Variants in PEX5L observed in about 807,000 individuals in gnomAD.
PEX5L encodes PEX5-related protein.
PEX5L carries 30 observed loss-of-function variants against 84.0 expected under a neutral mutation model. The observed-to-expected ratio is 0.36, with a 90% confidence interval of 0.27 to 0.48. PEX5L has a LOEUF of 0.48. Ranked by LOEUF, PEX5L falls within the 20% of genes least tolerant of loss-of-function variation. The pLI is 0.99. For synonymous variants in PEX5L, 270 were observed against 283.1 expected (o/e 0.95, Z 0.46); for missense variants, 533 against 754.6 (o/e 0.71, Z 3.44).
intron 1 of PEX5L, among the ~76,000 whole-genome samples, chr3:180,024,749 G>C (rs1443688808): frequency 6.6e-6 from 1 of 151,938 alleles, no homozygotes; most frequent in African/African-American, 2.4e-5. Context: ...TCAGGGCTGG[G>C]GGTATAAGCA....
intron 5 of PEX5L, among the ~76,000 whole-genome samples, chr3:179,876,375 T>C (rs144365252): frequency 5.6e-4 from 85 of 151,990 alleles, no homozygotes; most frequent in African/African-American, 2.0e-3. Flanking sequence ...TGCATGCCTG[T>C]AATCCCAGCT....
chr3:179,815,946 C>G lies in PEX5L; in HGVS notation c.998G>C (p.Gly333Ala). 1 of 1,614,138 alleles carries G rather than the reference C, an allele frequency of 6.2e-7. No homozygotes were observed. The highest frequency in any genetic ancestry group is 8.5e-7 in the Non-Finnish European group (1 of 1,179,996). The change falls in exon 10 of 15, where the codon GGC becomes GCC. Residue 333 changes from glycine to alanine, a missense_variant. By Grantham distance (60) the Gly-to-Ala change is moderately conservative. Transcript: ENST00000467460. The stretch of plus-strand genomic sequence containing the variant: ...ATCCCCTTCCTTCAGCCTTTTTAAG[C>G]CTTCTTCAAATGCTCCAGGCCAGTC... ...FKDWPGAFEE[G>A]LKRLKEGDLP...
At chr3:180,023,928 T>C (rs1233467633) in intron 1 of PEX5L, among the ~76,000 whole-genome samples, 1 of 148,886 alleles carries the variant, frequency 6.7e-6, no homozygotes, top group African/African-American at 2.6e-5. Flanking sequence ...ATGCCTATGG[T>C]TGTGCAGATT....
intron 2 of PEX5L, among the ~76,000 whole-genome samples, chr3:179,945,776 A>G (rs6770479): frequency 0.2 from 30,786 of 152,142 alleles, 3,535 homozygotes; most frequent in African/African-American, 0.29. Flanking sequence ...TTTGCTGGAC[A>G]GCTCTGATAG....
chr3:179,859,887 GTTA>G (rs143427617), intron 7 of PEX5L, among the ~76,000 whole-genome samples: 1,592 of 152,162 alleles, frequency 0.01, 34 homozygotes, highest in African/African-American at 0.036. Flanking sequence ...TTTTTAAAAT[GTTA>G]TTAATTTTTA....
At chr3:179,873,143 A>G (rs1413682069) in intron 7 of PEX5L, among the ~76,000 whole-genome samples, 1 of 152,134 alleles carries the variant, frequency 6.6e-6, no homozygotes, top group Admixed American at 6.5e-5. Context: ...TCTGCCACTT[A>G]CTAGTTGTGG....
chr3:179,989,769 G>T (rs1259503506), intron 1 of PEX5L, among the ~76,000 whole-genome samples: 1 of 152,064 alleles, frequency 6.6e-6, no homozygotes, highest in South Asian at 2.1e-4. Context: ...CAAAAGAGTA[G>T]TCACCTAAAA....
At chr3:179,964,530 G>T (rs911208721) in intron 2 of PEX5L, among the ~76,000 whole-genome samples, 6 of 152,160 alleles carry the variant, frequency 3.9e-5, no homozygotes, top group African/African-American at 1.4e-4. Context: ...AATGCAAGAA[G>T]ATGCTTGCAA....
At chr3:179,946,372 A>G (rs1777548987) in intron 2 of PEX5L, among the ~76,000 whole-genome samples, 1 of 152,226 alleles carries the variant, frequency 6.6e-6, no homozygotes, top group Admixed American at 6.5e-5. Context: ...ATAGTGCAGG[A>G]CACAGGGCAG....
chr3:179,957,026 A>G (rs1441369459), intron 2 of PEX5L, among the ~76,000 whole-genome samples: 1 of 152,242 alleles, frequency 6.6e-6, no homozygotes, highest in Non-Finnish European at 1.5e-5. Context: ...CCTAAGGATC[A>G]CCTTGATTCA....
chr3:179,931,580 C>G (rs577469943), intron 2 of PEX5L, among the ~76,000 whole-genome samples: 1 of 152,004 alleles, frequency 6.6e-6, no homozygotes, highest in Admixed American at 6.6e-5. Context: ...TGACAAGATG[C>G]CTGAAGCCGT....
In PEX5L at chr3:179,819,868, T is replaced by C. The variant is rs772376904; in HGVS notation, c.931A>G (p.Ser311Gly). The C allele has an allele frequency of 4.3e-6, 7 of 1,613,946 alleles. No homozygotes were observed. The highest frequency in any genetic ancestry group is 2.7e-5 in the African/African-American group (2 of 75,046). The change falls in exon 9 of 15, where the codon AGT becomes GGT. Residue 311 changes from serine (S) to glycine (G), a missense_variant. Physicochemically the swap from Ser to Gly is moderately conservative, Grantham distance 56. Coordinates refer to ENST00000467460, the MANE Select transcript of PEX5L (RefSeq NM_016559.3). ...EAQNQVTISA[S>G]EKGYYFHTEN... ...GGAACAGAATTGGTTACCTTCTCAC[T>C]AGCCGAGATGGTTACTTGGTTCTGG...
chr3:179,965,268 A>G (rs1560956659), intron 2 of PEX5L, among the ~76,000 whole-genome samples: 1 of 152,244 alleles, frequency 6.6e-6, no homozygotes, highest in Admixed American at 6.5e-5. Flanking sequence ...CACGAGTTAC[A>G]GAGGAAAAAG....
chr3:179,807,210 C>A (rs900206846), intron 14 of PEX5L, among the ~76,000 whole-genome samples: 2 of 152,214 alleles, frequency 1.3e-5, no homozygotes, highest in Admixed American at 1.3e-4. Flanking sequence ...GTTTAGAAAA[C>A]CTGGACTCTT....
At chr3:179,847,789 C>G (rs1740163972) in intron 8 of PEX5L, among the ~76,000 whole-genome samples, 1 of 152,074 alleles carries the variant, frequency 6.6e-6, no homozygotes, top group Non-Finnish European at 1.5e-5. Flanking sequence ...GCAGCCTTGA[C>G]TTCCTGGGCT....
intron 1 of PEX5L, among the ~76,000 whole-genome samples, chr3:180,019,390 A>G (rs1790229899): frequency 6.6e-6 from 1 of 152,216 alleles, no homozygotes; most frequent in Admixed American, 6.5e-5. Context: ...TCACTGTCCC[A>G]AGGTATTAAA....
intron 2 of PEX5L, among the ~76,000 whole-genome samples, chr3:179,956,916 T>G (rs1780720943): frequency 6.6e-6 from 1 of 152,044 alleles, no homozygotes; most frequent in Non-Finnish European, 1.5e-5. Context: ...TTTTTTGCAA[T>G]CCCTTCTTTT....
chr3:179,868,570 GA>G (rs1749182899), intron 7 of PEX5L, among the ~76,000 whole-genome samples: 1 of 152,112 alleles, frequency 6.6e-6, no homozygotes. Context: ...TTTTGTTGGG[GA>G]AATTCGCATC....
chr3:179,942,470 C>A (rs1056269747), intron 2 of PEX5L, among the ~76,000 whole-genome samples: 12 of 152,266 alleles, frequency 7.9e-5, no homozygotes, highest in African/African-American at 2.4e-4. Context: ...CCGCTGCGCG[C>A]ATGCCCAAGG....
Sources: gnomAD v4.1 joint callset for allele counts (sites outside exome capture counted in the v4.1 genomes callset) on GRCh38, gnomAD v4.1.1 for gene constraint, MANE v1.5 for transcripts, NCBI Gene and HGNC (gene_info 2026-07-23, HGNC 2026-07-21) for gene names.